The following SLC38A11 variants were observed in gnomAD, a reference collection of about 807,000 sequenced individuals.
The protein encoded by SLC38A11 is solute carrier family 38 member 11, also known as putative sodium-coupled neutral amino acid transporter 11.
A neutral mutation model predicts 49.4 loss-of-function variants in SLC38A11; 51 were observed. That is an observed-to-expected ratio of 1.03 (90% CI 0.83 to 1.30). The LOEUF is 1.30. Among genes scored for constraint, SLC38A11 ranks in the 50% most tolerant of loss-of-function variants. The pLI, the probability that SLC38A11 is intolerant of heterozygous loss-of-function variation, is 0.00. For synonymous variants in SLC38A11, 203 were observed against 192.9 expected (o/e 1.05, Z -0.43); for missense variants, 574 against 556.2 (o/e 1.03, Z -0.32).
At chr2:164,906,900 T>G (rs537900960) in intron 11 of SLC38A11, among the ~76,000 whole-genome samples, 1 of 152,138 alleles carries the variant, frequency 6.6e-6, no homozygotes, top group Non-Finnish European at 1.5e-5. Context: ...CTGGATGACA[T>G]AGTAACTTGG....
At chr2:164,901,833 G>A (rs909863245) in intron 11 of SLC38A11, among the ~76,000 whole-genome samples, 4 of 151,966 alleles carry the variant, frequency 2.6e-5, no homozygotes, top group Admixed American at 2.6e-4. Context: ...CCTTTTATTG[G>A]ATCTTAGGAG....
chr2:164,950,553 T>C (rs1303888355), intron 3 of SLC38A11, among the ~76,000 whole-genome samples: 4 of 152,224 alleles, frequency 2.6e-5, no homozygotes, highest in Non-Finnish European at 5.9e-5. Flanking sequence ...CCTTTGAATA[T>C]ATTGTATGCA....
intron 11 of SLC38A11, among the ~76,000 whole-genome samples, chr2:164,907,270 C>CTTTTTTTTTTTTTTTTTTTT (rs60527900): frequency 2.0e-5 from 2 of 97,916 alleles, no homozygotes; most frequent in African/African-American, 7.7e-5. Flanking sequence ...CTTCTTTTCT[C>CTTTTTTTTTTTTTTTTTTTT]TTTTTTTTTT....
chr2:164,930,932 AG>A (rs1686957075), intron 7 of SLC38A11, among the ~76,000 whole-genome samples: 1 of 152,102 alleles, frequency 6.6e-6, no homozygotes, highest in African/African-American at 2.4e-5. Context: ...AAAGAAATAA[AG>A]GGCATGCAAA....
rs892446811 is a variant in SLC38A11, at chr2:164,927,718, A to G, written c.617+9632T>C. 2.2e-4 allele frequency among the ~76,000 whole-genome samples: 34 copies of G among 152,184 alleles called. 1 individual carries two copies. The highest frequency in any genetic ancestry group is 1.5e-5 in the Non-Finnish European group (1 of 68,036). On this transcript the variant is annotated intron_variant, in intron 7 of 11. Coordinates refer to ENST00000685975, the MANE Select transcript of SLC38A11 (RefSeq NM_001351537.2). The stretch of plus-strand genomic sequence containing the variant: ...TTATGCTTGTTTATTTTTTAAAACA[A>G]AAAGCCATGTATTTTCTTATCCTGA...
intron 7 of SLC38A11, among the ~76,000 whole-genome samples, chr2:164,932,416 T>C (rs1425380143): frequency 1.3e-5 from 2 of 152,104 alleles, no homozygotes; most frequent in Non-Finnish European, 2.9e-5. Flanking sequence ...ACTGAGTATA[T>C]ACCAAAGGAA....
intron 7 of SLC38A11, among the ~76,000 whole-genome samples, chr2:164,935,739 G>A (rs552853090): frequency 6.6e-5 from 10 of 152,022 alleles, no homozygotes; most frequent in African/African-American, 1.9e-4. Flanking sequence ...ATTGAATTGC[G>A]TCCCTCCGAA....
intron 3 of SLC38A11, among the ~76,000 whole-genome samples, chr2:164,946,167 C>G (rs987249739): frequency 2.0e-5 from 3 of 152,194 alleles, no homozygotes; most frequent in African/African-American, 4.8e-5. Flanking sequence ...GAAAACAATA[C>G]ATTTAGGAGA....
intron 10 of SLC38A11, among the ~76,000 whole-genome samples, chr2:164,909,729 A>C (rs1241699886): frequency 6.6e-6 from 1 of 152,012 alleles, no homozygotes; most frequent in Non-Finnish European, 1.5e-5. Context: ...AGTCTGAATA[A>C]GTAGTGACCC....
chr2:164,925,876 T>C (rs1686539372), intron 7 of SLC38A11, among the ~76,000 whole-genome samples: 1 of 152,164 alleles, frequency 6.6e-6, no homozygotes, highest in Admixed American at 6.6e-5. Context: ...GGCAGACTCT[T>C]CTATTTTATT....
At chr2:164,948,148 C>T (rs1287659400) in intron 3 of SLC38A11, among the ~76,000 whole-genome samples, 1 of 152,122 alleles carries the variant, frequency 6.6e-6, no homozygotes, top group Non-Finnish European at 1.5e-5. Context: ...CAATATGGCA[C>T]CCTTGAAGAG....
At chr2:164,934,893 A>G (rs1559117301) in intron 7 of SLC38A11, among the ~76,000 whole-genome samples, 1 of 152,176 alleles carries the variant, frequency 6.6e-6, no homozygotes, top group African/African-American at 2.4e-5. Flanking sequence ...CACTAAATAA[A>G]TATCAGTAGA....
chr2:164,924,979 C>T (rs1264137602), intron 7 of SLC38A11, among the ~76,000 whole-genome samples: 2 of 152,122 alleles, frequency 1.3e-5, no homozygotes, highest in South Asian at 4.1e-4. Flanking sequence ...ATCTCCTGAC[C>T]TCGTGATCTG....
At chr2:164,899,744 T>C (rs1271190157) in intron 11 of SLC38A11, among the ~76,000 whole-genome samples, 1 of 152,124 alleles carries the variant, frequency 6.6e-6, no homozygotes, top group Non-Finnish European at 1.5e-5. Flanking sequence ...AAAATGGTTA[T>C]TGTATTGAAC....
rs150762233 is a variant in SLC38A11, at chr2:164,947,519, T to G, written c.230-1792A>C. ...TTTAGATGTTAGTAACCTCTAAATT[T>G]GTGTTTCCAGCTCAGACCCCCTTCA... On this transcript the variant is annotated intron_variant, in intron 3 of 11. Coordinates refer to ENST00000685975, the MANE Select transcript of SLC38A11 (RefSeq NM_001351537.2). Among the ~76,000 whole-genome samples the G allele has an allele frequency of 3.0e-3, 463 of 152,238 alleles. 16 individuals carry two copies. In the East Asian group the frequency reaches 0.032, roughly 10 times the overall value.
intron 3 of SLC38A11, 34 bp downstream of exon 3, chr2:164,952,673 A>G: frequency 1.5e-6 from 2 of 1,344,842 alleles, no homozygotes; most frequent in Non-Finnish European, 2.1e-6. Flanking sequence ...GCACAGTTGA[A>G]GTTGCAGAAA....
chr2:164,919,326 C>T (rs1686016775), intron 7 of SLC38A11, among the ~76,000 whole-genome samples: 1 of 151,292 alleles, frequency 6.6e-6, no homozygotes, highest in South Asian at 2.1e-4. Flanking sequence ...TACGACCCTG[C>T]CTCAAAATGA....
chr2:164,919,667 T>C (rs10202959), intron 7 of SLC38A11, among the ~76,000 whole-genome samples: 120,456 of 152,116 alleles, frequency 0.79, 47,929 homozygotes, highest in East Asian at 1. Context: ...GCACATACTT[T>C]TATATAATTT....
At chr2:164,931,932 T>G (rs1461818355) in intron 7 of SLC38A11, among the ~76,000 whole-genome samples, 1 of 152,176 alleles carries the variant, frequency 6.6e-6, no homozygotes. Flanking sequence ...TAGGATCTAC[T>G]CGACCTGAAG....
Sources: gnomAD v4.1 joint callset for allele counts (sites outside exome capture counted in the v4.1 genomes callset) on GRCh38, gnomAD v4.1.1 for gene constraint, MANE v1.5 for transcripts, NCBI Gene and HGNC (gene_info 2026-07-23, HGNC 2026-07-21) for gene names.